TLR6: variants seen among roughly 807,000 people sequenced by gnomAD.
TLR6 encodes toll like receptor 6, also known as toll-like receptor 6.
TLR6 carries 9 observed loss-of-function variants against 16.1 expected under a neutral mutation model. The ratio of observed to expected loss-of-function variants is 0.56; its 90% CI spans 0.34 to 0.98. The LOEUF (loss-of-function observed/expected upper bound fraction) is 0.98. Among genes scored for constraint, TLR6 ranks in the 50% least tolerant of loss-of-function variants. TLR6 has a pLI of 0.02. For missense variants in TLR6, 786 were observed against 921.0 expected, an observed-to-expected ratio of 0.85 and a Z score of 1.90; for synonymous variants, 340 against 338.6, an observed-to-expected ratio of 1.00 and a Z score of -0.04.
exon 2 of TLR6, chr4:38,828,648 T>C: frequency 6.2e-7 from 1 of 1,614,162 alleles, no homozygotes; most frequent in Non-Finnish European, 8.5e-7. Flanking sequence ...TCCACAGGTT[T>C]GGGCCAAAGA....
At chr4:38,860,574 G>A (rs1409910296), upstream of TLR6, among the ~76,000 whole-genome samples, 1 of 148,498 alleles carries the variant, frequency 6.7e-6, no homozygotes, top group African/African-American at 2.5e-5. Flanking sequence ...ACTGGGAGAA[G>A]GTATCTGCAA....
upstream of TLR6, among the ~76,000 whole-genome samples, chr4:38,860,165 C>T (rs971697353): frequency 1.3e-5 from 2 of 152,134 alleles, no homozygotes; most frequent in Admixed American, 1.3e-4. Context: ...GATACACATA[C>T]GACAGAGATA....
At chr4:38,862,431 C>T in the TLR6 span, among the ~76,000 whole-genome samples, 2 of 151,868 alleles carry the variant, frequency 1.3e-5, no homozygotes, top group Admixed American at 1.3e-4. Context: ...CAGGTGTGTG[C>T]CATCACTCTC....
At chr4:38,850,209 C>T (rs1179972249) in intron 1 of TLR6, among the ~76,000 whole-genome samples, 7 of 152,174 alleles carry the variant, frequency 4.6e-5, no homozygotes, top group Non-Finnish European at 8.8e-5. Context: ...ATACCACAAT[C>T]TCAGGGACAC....
rs774046904 is a variant in TLR6, at chr4:38,828,384, C to T, written c.1090G>A (p.Val364Ile). Residue 364 changes from valine (V) to isoleucine (I), a missense_variant, in exon 2 of 2, where the codon GTT (valine) becomes ATT (isoleucine). Coordinates refer to ENST00000436693, the Ensembl canonical transcript of TLR6. Reference sequence around the variant, plus strand: ...TTTTCAAAAATACTATCTGTGAAAACGTTCTGGGTAAAGTTCAAAAACTTG... The same window carrying T: ...TTTTCAAAAATACTATCTGTGAAAATGTTCTGGGTAAAGTTCAAAAACTTG... The T allele has an allele frequency of 1.6e-5, 26 of 1,612,742 alleles. No individual in the cohort carries two copies. The highest frequency in any genetic ancestry group is 2.7e-5 in the African/African-American group (2 of 74,888).
downstream of TLR6, among the ~76,000 whole-genome samples, chr4:38,823,425 A>G (rs924415140): frequency 6.6e-6 from 1 of 152,206 alleles, no homozygotes; most frequent in African/African-American, 2.4e-5. Context: ...CACACATCTC[A>G]GAACTTAGTT....
upstream of TLR6, among the ~76,000 whole-genome samples, chr4:38,857,663 AAAC>A (rs202170906): frequency 0.046 from 7,023 of 152,114 alleles, 451 homozygotes; most frequent in African/African-American, 0.14. Flanking sequence ...ATTAAAAAAA[AAAC>A]AACAACAAGT....
exon 2 of TLR6, chr4:38,827,272 G>C: frequency 6.2e-7 from 1 of 1,614,184 alleles, no homozygotes. Flanking sequence ...GTTCCAGTAA[G>C]ATGAGGATTA....
chr4:38,859,084 T>A (rs1310014057), upstream of TLR6, among the ~76,000 whole-genome samples: 1 of 152,164 alleles, frequency 6.6e-6, no homozygotes. Flanking sequence ...TTAGCGCAGC[T>A]GGGTAATCGT....
At chr4:38,829,409 A>G in exon 2 of TLR6, 1 of 1,614,072 alleles carries the variant, frequency 6.2e-7, no homozygotes, top group Non-Finnish European at 8.5e-7. Context: ...TCTGGTTCCA[A>G]CTATTATGAT....
chr4:38,834,245 A>AT (rs1009682616), intron 1 of TLR6, among the ~76,000 whole-genome samples: 64 of 147,824 alleles, frequency 4.3e-4, no homozygotes, highest in African/African-American at 1.4e-3. Context: ...GCTCAAAAAA[A>AT]AAATATATAT....
chr4:38,860,210 A>G (rs145622274), upstream of TLR6, among the ~76,000 whole-genome samples: 1 of 152,152 alleles, frequency 6.6e-6, no homozygotes, highest in Non-Finnish European at 1.5e-5. Context: ...AGTGGCTCAC[A>G]CTTGTAATCT....
chr4:38,847,478 C>T lies in TLR6; in HGVS notation c.-65+9283G>A, dbSNP rs7654259. ...AGCTCAATGAGTGTGAGCCGAAGCA[C>T]GGTGAGGCATTGCCTCACCCGGGAA... On this transcript the variant is annotated intron_variant, in intron 1 of 1. Coordinates refer to ENST00000436693, the Ensembl canonical transcript of TLR6. Among the ~76,000 whole-genome samples the T allele has an allele frequency of 4.0e-5, 6 of 150,106 alleles. No homozygotes were observed. The East Asian group carries it at 5.9e-4, about 15-fold the overall frequency.
At chr4:38,838,475 T>A (rs564724545) in intron 1 of TLR6, among the ~76,000 whole-genome samples, 1 of 152,310 alleles carries the variant, frequency 6.6e-6, no homozygotes, top group East Asian at 1.9e-4. Flanking sequence ...GTCATTACAT[T>A]AGCAAAATAA....
chr4:38,844,215 G>A (rs530193364), intron 1 of TLR6, among the ~76,000 whole-genome samples: 2 of 152,260 alleles, frequency 1.3e-5, no homozygotes, highest in South Asian at 4.1e-4. Flanking sequence ...TACCGATATG[G>A]ACAGCGACTG....
intron 1 of TLR6, among the ~76,000 whole-genome samples, chr4:38,847,803 A>G (rs1223349161): frequency 6.6e-6 from 1 of 152,236 alleles, no homozygotes; most frequent in Non-Finnish European, 1.5e-5. Flanking sequence ...AACTGGGTGG[A>G]GCCCACCACA....
the TLR6 span, among the ~76,000 whole-genome samples, chr4:38,866,302 G>A: frequency 1.8e-3 from 272 of 150,578 alleles, no homozygotes; most frequent in African/African-American, 5.8e-3. Flanking sequence ...GACCAGCCTG[G>A]CCAACATGGT....
At chr4:38,833,078 T>C (rs1014487433) in intron 1 of TLR6, among the ~76,000 whole-genome samples, 7 of 152,156 alleles carry the variant, frequency 4.6e-5, no homozygotes, top group African/African-American at 1.7e-4. Flanking sequence ...GAGGACTGGC[T>C]TGCCCAGCCT....
At chr4:38,856,691 G>T (rs1382070669) in intron 1 of TLR6, 70 bp downstream of exon 1, 1 of 152,194 alleles carries the variant, frequency 6.6e-6, no homozygotes, top group African/African-American at 2.4e-5. Context: ...ATAATGAATG[G>T]TTAGCAAACT....
Sources: gnomAD v4.1 joint callset for allele counts (sites outside exome capture counted in the v4.1 genomes callset) on GRCh38, gnomAD v4.1.1 for gene constraint, MANE v1.5 for transcripts, NCBI Gene and HGNC (gene_info 2026-07-23, HGNC 2026-07-21) for gene names.